The following CXCL13 variants were observed in gnomAD, a reference collection of about 807,000 sequenced individuals.
The protein encoded by CXCL13 is C-X-C motif chemokine ligand 13, also known as C-X-C motif chemokine 13.
In CXCL13, 7 loss-of-function variants were observed where a neutral mutation model predicts 12.2. That is an observed-to-expected ratio of 0.57 (90% CI 0.33 to 1.07). The LOEUF (loss-of-function observed/expected upper bound fraction) is 1.07. Among genes scored for constraint, CXCL13 ranks in the 50% least tolerant of loss-of-function variants. The probability of loss-of-function intolerance (pLI) is 0.04; values close to 1 mark genes in which losing one functional copy is unlikely to be tolerated. For missense variants in CXCL13, 113 were observed against 127.4 expected (o/e 0.89, Z 0.55); for synonymous variants, 47 against 42.4 (o/e 1.11, Z -0.42).
intron 1 of CXCL13, among the ~76,000 whole-genome samples, chr4:77,539,378 T>G (rs1418785374): frequency 6.6e-6 from 1 of 152,322 alleles, no homozygotes; most frequent in East Asian, 1.9e-4. Flanking sequence ...CCGCCCATCT[T>G]GGCCTCCCAA....
At chr4:77,544,293 C>T (rs1334824471) in intron 1 of CXCL13, among the ~76,000 whole-genome samples, 5 of 152,158 alleles carry the variant, frequency 3.3e-5, no homozygotes, top group Non-Finnish European at 7.4e-5. Flanking sequence ...AATGGTATTT[C>T]TAGTTCTAGA....
At chr4:77,563,946 T>C (rs1433739440) in intron 1 of CXCL13, among the ~76,000 whole-genome samples, 2 of 152,184 alleles carry the variant, frequency 1.3e-5, no homozygotes, top group Non-Finnish European at 2.9e-5. Flanking sequence ...AGTTTTTCCA[T>C]ATGCTGATGT....
chr4:77,594,999 T>C lies in CXCL13; in HGVS notation c.-42-10825T>C, dbSNP rs528263542. 5.3e-5 allele frequency among the ~76,000 whole-genome samples: 8 copies of C among 151,956 alleles called. No individual in the cohort carries two copies. The East Asian group carries it at 1.3e-3, about 26-fold the overall frequency. On this transcript the variant is annotated intron_variant, in intron 1 of 4. Coordinates refer to the CXCL13 transcript ENST00000286758. ...ATTGGCCACGGTAAGAGTATGTACA[T>C]CACAGAAATAGACAAATGCCATGAG...
intron 1 of CXCL13, among the ~76,000 whole-genome samples, chr4:77,574,836 AT>A (rs1353793145): frequency 1.3e-5 from 2 of 151,942 alleles, no homozygotes; most frequent in African/African-American, 4.9e-5. Flanking sequence ...TGGATCAAAT[AT>A]TTTTTAAAGG....
chr4:77,524,720 G>A (rs972147076), intron 1 of CXCL13, among the ~76,000 whole-genome samples: 3 of 152,108 alleles, frequency 2.0e-5, no homozygotes. Context: ...CCCTCTGTGG[G>A]CTGCATCCAC....
chr4:77,605,776 C>T (rs761620243), upstream of CXCL13: 26 of 679,708 alleles, frequency 3.8e-5, no homozygotes, highest in Non-Finnish European at 5.1e-5. Flanking sequence ...GTGGGAGGGC[C>T]CTTACTGGTA....
At chr4:77,521,694 G>A (rs1446018739) in intron 1 of CXCL13, among the ~76,000 whole-genome samples, 1 of 151,622 alleles carries the variant, frequency 6.6e-6, no homozygotes, top group Admixed American at 6.6e-5. Context: ...TTTTTGAAGG[G>A]TATTTTTGTC....
chr4:77,605,736 G>C (rs543564175), upstream of CXCL13: 35 of 462,844 alleles, frequency 7.6e-5, no homozygotes, highest in South Asian at 2.6e-3. Flanking sequence ...TAAAGCTGAT[G>C]ATGCAGCTGA....
intron 1 of CXCL13, among the ~76,000 whole-genome samples, chr4:77,530,703 T>C (rs1724890535): frequency 1.3e-5 from 2 of 152,214 alleles, no homozygotes; most frequent in South Asian, 4.1e-4. Context: ...CTGTCAGTTT[T>C]GTTGATCTTT....
intron 1 of CXCL13, among the ~76,000 whole-genome samples, chr4:77,528,268 A>AT (rs1303186735): frequency 6.6e-6 from 1 of 152,216 alleles, no homozygotes; most frequent in Non-Finnish European, 1.5e-5. Flanking sequence ...TAGCAGCATG[A>AT]TTTATAACCC....
intron 1 of CXCL13, among the ~76,000 whole-genome samples, chr4:77,561,955 G>C (rs1725825667): frequency 6.6e-6 from 1 of 152,202 alleles, no homozygotes; most frequent in Non-Finnish European, 1.5e-5. Context: ...CTGGGTGGGT[G>C]TGGGCTTGGT....
intron 1 of CXCL13, among the ~76,000 whole-genome samples, chr4:77,514,899 G>A (rs1300970279): frequency 6.6e-6 from 1 of 152,150 alleles, no homozygotes; most frequent in East Asian, 1.9e-4. Context: ...TGTCCTGAAT[G>A]GTAATGTCTA....
intron 1 of CXCL13, among the ~76,000 whole-genome samples, chr4:77,577,293 G>T (rs1273143617): frequency 6.6e-6 from 1 of 152,058 alleles, no homozygotes; most frequent in African/African-American, 2.4e-5. Flanking sequence ...TGCCTTGTTG[G>T]AGGAGAACTC....
chr4:77,580,330 TTTTTTTTTTTTTTTTG>T (rs1161265273), intron 1 of CXCL13, among the ~76,000 whole-genome samples: 2 of 105,904 alleles, frequency 1.9e-5, no homozygotes, highest in African/African-American at 3.7e-5. Context: ...TTTTTTTTTT[TTTTTTTTTTTTTTTTG>T]AGATGGAGTC....
chr4:77,545,381 A>T (rs1725331921), intron 1 of CXCL13, among the ~76,000 whole-genome samples: 1 of 152,200 alleles, frequency 6.6e-6, no homozygotes, highest in East Asian at 1.9e-4. Flanking sequence ...ACCCATGAGC[A>T]TGGAATGTTC....
At chr4:77,527,713 C>G (rs1447363267) in intron 1 of CXCL13, among the ~76,000 whole-genome samples, 1 of 151,828 alleles carries the variant, frequency 6.6e-6, no homozygotes, top group Non-Finnish European at 1.5e-5. Context: ...TTAGATAACT[C>G]CAGCTCCCAG....
chr4:77,608,296 C>T (rs544277421), intron 2 of CXCL13, among the ~76,000 whole-genome samples: 132 of 152,146 alleles, frequency 8.7e-4, no homozygotes, highest in African/African-American at 3.0e-3. Flanking sequence ...CAAAATTAGC[C>T]GGGTGTGGTG....
At chr4:77,598,090 C>A (rs1172502238) in intron 1 of CXCL13, among the ~76,000 whole-genome samples, 1 of 152,188 alleles carries the variant, frequency 6.6e-6, no homozygotes, top group African/African-American at 2.4e-5. Flanking sequence ...TTCTGTGGGT[C>A]ATGTGGACAC....
chr4:77,580,104 A>T (rs1726281108), intron 1 of CXCL13, among the ~76,000 whole-genome samples: 2 of 152,214 alleles, frequency 1.3e-5, no homozygotes, highest in African/African-American at 4.8e-5. Flanking sequence ...ATGGCAAGAA[A>T]GTGGGAAGGG....
Sources: gnomAD v4.1 joint callset for allele counts (sites outside exome capture counted in the v4.1 genomes callset) on GRCh38, gnomAD v4.1.1 for gene constraint, MANE v1.5 for transcripts, NCBI Gene and HGNC (gene_info 2026-07-23, HGNC 2026-07-21) for gene names.